Variants in RIN2 observed in about 807,000 individuals in gnomAD.
RIN2 encodes RAB5 interacting protein 2.
In RIN2, 36 loss-of-function variants were observed where a neutral mutation model predicts 78.0. The ratio of observed to expected loss-of-function variants is 0.46; its 90% CI spans 0.35 to 0.61. RIN2 has a LOEUF of 0.61. RIN2 is among the 20% of genes least tolerant of loss of function. The pLI is 0.00. For missense variants in RIN2, 1,087 were observed against 1,159.7 expected (o/e 0.94, Z 0.91); for synonymous variants, 466 against 466.8 (o/e 1.00, Z 0.02).
chr20:19,869,853 T>C (rs1464098166), intron 2 of RIN2, among the ~76,000 whole-genome samples: 1 of 150,192 alleles, frequency 6.7e-6, no homozygotes, highest in African/African-American at 2.5e-5. Context: ...GGGGGTTCGC[T>C]ATGTTGCCCA....
intron 9 of RIN2, among the ~76,000 whole-genome samples, chr20:19,987,370 T>G (rs1290713600): frequency 6.6e-6 from 1 of 152,230 alleles, no homozygotes; most frequent in Non-Finnish European, 1.5e-5. Flanking sequence ...GAATGTAGCT[T>G]TCAGAATGTT....
chr20:19,867,731 C>G (rs2037552796), intron 2 of RIN2, among the ~76,000 whole-genome samples: 1 of 152,144 alleles, frequency 6.6e-6, no homozygotes, highest in African/African-American at 2.4e-5. Flanking sequence ...CCTGGTGACA[C>G]CAGCTCCAAT....
At chr20:19,769,130 C>T (rs2034015303) in intron 1 of RIN2, among the ~76,000 whole-genome samples, 1 of 152,102 alleles carries the variant, frequency 6.6e-6, no homozygotes, top group South Asian at 2.1e-4. Context: ...CCATGTTGGC[C>T]AGGCTGGTCT....
chr20:19,890,053 AAAACAAACAAAC>A (rs11474749), intron 3 of RIN2, among the ~76,000 whole-genome samples: 3 of 151,356 alleles, frequency 2.0e-5, no homozygotes, highest in Admixed American at 1.3e-4. Flanking sequence ...GAAGGGCTCC[AAAACAAACAAAC>A]AAACAAACAA....
At chr20:19,994,322 C>CAA (rs1343774988) in intron 11 of RIN2, among the ~76,000 whole-genome samples, 1 of 152,160 alleles carries the variant, frequency 6.6e-6, no homozygotes, top group Non-Finnish European at 1.5e-5. Flanking sequence ...TGAGCAGTGG[C>CAA]AAAAATACAG....
chr20:19,770,337 A>G (rs934433012), intron 1 of RIN2, among the ~76,000 whole-genome samples: 4 of 152,234 alleles, frequency 2.6e-5, no homozygotes, highest in Admixed American at 6.5e-5. Flanking sequence ...GAGGAAAACA[A>G]TGTTGGGTGA....
intron 2 of RIN2, among the ~76,000 whole-genome samples, chr20:19,836,025 TC>T (rs1217854619): frequency 6.6e-6 from 1 of 152,166 alleles, no homozygotes; most frequent in Non-Finnish European, 1.5e-5. Context: ...CATCTGGTAT[TC>T]CGGGCTACCA....
At chr20:19,829,036 G>T (rs1342391892) in intron 2 of RIN2, among the ~76,000 whole-genome samples, 1 of 152,176 alleles carries the variant, frequency 6.6e-6, no homozygotes, top group Non-Finnish European at 1.5e-5. Flanking sequence ...CAGCAAACAT[G>T]CAGATTACCT....
At chr20:19,908,306 AT>A (rs1339088330) in intron 3 of RIN2, among the ~76,000 whole-genome samples, 2 of 152,100 alleles carry the variant, frequency 1.3e-5, no homozygotes, top group Non-Finnish European at 2.9e-5. Flanking sequence ...CCTGGCTAAC[AT>A]GGTGAAACCC....
chr20:19,788,441 A>AAAAAAAAAAAAAAAAAAAAAC (rs1568752714), intron 1 of RIN2, among the ~76,000 whole-genome samples: 1 of 148,886 alleles, frequency 6.7e-6, no homozygotes, highest in Admixed American at 6.8e-5. Context: ...CCAAAAAAAA[A>AAAAAAAAAAAAAAAAAAAAAC]AAAAAAAACA....
intron 2 of RIN2, among the ~76,000 whole-genome samples, chr20:19,841,483 T>C (rs1210143999): frequency 6.6e-6 from 1 of 152,080 alleles, no homozygotes; most frequent in East Asian, 1.9e-4. Context: ...ATCTGAACCA[T>C]AAAGGCAGAG....
chr20:19,928,528 G>T (rs1002571398), intron 3 of RIN2, among the ~76,000 whole-genome samples: 1 of 152,168 alleles, frequency 6.6e-6, no homozygotes, highest in African/African-American at 2.4e-5. Flanking sequence ...ATTACAAAAT[G>T]GTACAAATTA....
In RIN2 at chr20:19,820,650, A is replaced by G. The variant is rs139877994; in HGVS notation, c.-37+20903A>G. Reference sequence around the variant, plus strand: ...GTGTGTTTCCACCAGGTTCCAGGCCAGGCCAGTCTTCCTGGGCCAGTGTGG... The same window carrying G: ...GTGTGTTTCCACCAGGTTCCAGGCCGGGCCAGTCTTCCTGGGCCAGTGTGG... On this transcript the variant is annotated intron_variant, in intron 2 of 12. Transcript: ENST00000255006. Among the ~76,000 whole-genome samples, 732 of 152,262 alleles carry G rather than the reference A, an allele frequency of 4.8e-3. 6 individuals are homozygous for G. The highest frequency in any genetic ancestry group is 7.7e-3 in the Non-Finnish European group (525 of 68,014).
At chr20:19,832,626 C>G in intron 2 of RIN2, among the ~76,000 whole-genome samples, 1 of 151,768 alleles carries the variant, frequency 6.6e-6, no homozygotes, top group Non-Finnish European at 1.5e-5. Context: ...CCTCAGTGCC[C>G]CAGACTGGGT....
chr20:19,966,325 CTT>C (rs11471521), intron 7 of RIN2, among the ~76,000 whole-genome samples: 17 of 144,192 alleles, frequency 1.2e-4, no homozygotes, highest in South Asian at 2.2e-4. Context: ...GCACTACGCA[CTT>C]TTTTTTTTTT....
At chr20:19,948,395 C>T (rs920279079) in intron 4 of RIN2, among the ~76,000 whole-genome samples, 5 of 152,100 alleles carry the variant, frequency 3.3e-5, no homozygotes, top group Non-Finnish European at 7.3e-5. Context: ...AAAATATATA[C>T]ATATACATAT....
intron 8 of RIN2, 28 bp downstream of exon 8, chr20:19,970,957 A>G: frequency 6.4e-7 from 1 of 1,552,744 alleles, no homozygotes; most frequent in Non-Finnish European, 8.8e-7. Flanking sequence ...GCCTGAGTCT[A>G]TCTAAAAATG....
intron 1 of RIN2, among the ~76,000 whole-genome samples, chr20:19,787,445 A>AAGAG (rs1182054268): frequency 6.8e-6 from 1 of 148,148 alleles, no homozygotes; most frequent in Non-Finnish European, 1.5e-5. Context: ...AAAAAAAAAA[A>AAGAG]AGAGAGAGAG....
chr20:19,832,234 T>G (rs2123007602), intron 2 of RIN2, among the ~76,000 whole-genome samples: 1 of 150,386 alleles, frequency 6.6e-6, no homozygotes, highest in East Asian at 2.0e-4. Context: ...AGGCGGCCTC[T>G]GATAGTCATC....
Sources: allele counts gnomAD v4.1 joint callset (sites outside exome capture counted in the v4.1 genomes callset), GRCh38; gene constraint gnomAD v4.1.1; transcripts MANE v1.5; gene names NCBI Gene and HGNC (gene_info 2026-07-23, HGNC 2026-07-21).